Variants in SLC27A2 observed in about 807,000 individuals in gnomAD.
SLC27A2 encodes long-chain fatty acid transport protein 2.
Under a neutral mutation model 60.0 loss-of-function variants are expected in SLC27A2, and 54 were observed. The observed-to-expected ratio is 0.90, with a 90% CI of 0.72 to 1.13. The LOEUF is 1.13. SLC27A2 is among the 50% of genes most tolerant of loss of function. The pLI, the probability that SLC27A2 is intolerant of heterozygous loss-of-function variation, is 0.00. For missense variants in SLC27A2, 739 were observed against 777.6 expected (o/e 0.95, Z 0.59); for synonymous variants, 297 against 297.6 (o/e 1.00, Z 0.02).
At position 50,182,685 on chromosome 15, in the gene SLC27A2, G is replaced by A; in HGVS notation, c.258G>A (p.Arg86=). 1 of 1,613,952 alleles carries A rather than the reference G, an allele frequency of 6.2e-7. No individual in the cohort carries two copies. The highest frequency in any genetic ancestry group is 8.5e-7 in the Non-Finnish European group (1 of 1,179,914). Residue 86 remains arginine, a synonymous_variant, in exon 1 of 10, where the codon CGG becomes CGA. Transcript: ENST00000267842. ...CTCTCACCTACGCGCAGGTGGACCG[G>A]CGCAGCAATCAAGTGGCCCGGGCGC... The part of the protein sequence containing the change: ...DETLTYAQVD[R]RSNQVARALH...
chr15:50,212,131 C>T (rs1382229854), intron 4 of SLC27A2, among the ~76,000 whole-genome samples: 2 of 147,186 alleles, frequency 1.4e-5, no homozygotes, highest in African/African-American at 5.0e-5. Flanking sequence ...AAACTTTGGA[C>T]ACACTTTTAG....
chr15:50,216,510 A>G (rs553996406), intron 4 of SLC27A2, among the ~76,000 whole-genome samples: 14 of 151,320 alleles, frequency 9.3e-5, no homozygotes, highest in African/African-American at 2.9e-4. Flanking sequence ...TTCTACACGC[A>G]TTTTTATAGC....
intron 5 of SLC27A2, among the ~76,000 whole-genome samples, chr15:50,224,425 G>A (rs1431300541): frequency 2.0e-5 from 3 of 152,178 alleles, no homozygotes; most frequent in Non-Finnish European, 4.4e-5. Context: ...GGGCAACAGA[G>A]CGAAACTCCA....
chr15:50,225,874 G>A (rs1302759740), intron 5 of SLC27A2, 114 bp from the exon 6 acceptor site: 5 of 661,146 alleles, frequency 7.6e-6, no homozygotes, highest in Non-Finnish European at 1.3e-5. Context: ...AAGGGTATAT[G>A]CAAATGCAAA....
rs754950532 is a variant in SLC27A2, at chr15:50,182,707, G to A, written c.280G>A (p.Ala94Thr). 25 of 1,613,882 alleles carry A rather than the reference G, an allele frequency of 1.5e-5. No individual in the cohort carries two copies. Among genetic ancestry groups the A allele is most frequent in the Admixed American group, 5.0e-5 (3 of 60,018 alleles). Residue 94 changes from alanine (A) to threonine (T), a missense_variant, in exon 1 of 10, where the codon GCG becomes ACG. Transcript: ENST00000267842. ...CCGGCGCAGCAATCAAGTGGCCCGG[G>A]CGCTGCACGACCACCTCGGCCTGCG... is the stretch of plus-strand genomic sequence containing the variant. ...VDRRSNQVAR[A>T]LHDHLGLRQG... is the part of the protein sequence containing the mutation.
intron 1 of SLC27A2, among the ~76,000 whole-genome samples, chr15:50,186,792 C>T (rs1327344756): frequency 6.6e-6 from 1 of 152,164 alleles, no homozygotes; most frequent in Non-Finnish European, 1.5e-5. Context: ...TATGAATTGC[C>T]CATGATCAAG....
At chr15:50,234,075 C>A in intron 9 of SLC27A2, 77 bp downstream of exon 9, 1 of 1,361,390 alleles carries the variant, frequency 7.3e-7, no homozygotes, top group Non-Finnish European at 1.0e-6. Context: ...CTCGCCTTCT[C>A]CCAGGATGAC....
chr15:50,228,773 A>G (rs986462013), intron 7 of SLC27A2, among the ~76,000 whole-genome samples, 172 bp from the exon 8 acceptor site: 46 of 152,314 alleles, frequency 3.0e-4, no homozygotes, highest in African/African-American at 1.1e-3. Context: ...TTTCCCTTTT[A>G]TGCCTCAAAC....
intron 4 of SLC27A2, among the ~76,000 whole-genome samples, chr15:50,210,122 C>T (rs138485160): frequency 2.0e-5 from 3 of 152,164 alleles, no homozygotes; most frequent in African/African-American, 4.8e-5. Flanking sequence ...AAGTAAAATA[C>T]GGAGGACAGG....
chr15:50,185,219 T>A (rs2044911109), intron 1 of SLC27A2, among the ~76,000 whole-genome samples: 1 of 152,202 alleles, frequency 6.6e-6, no homozygotes, highest in Non-Finnish European at 1.5e-5. Context: ...AGCTAACAGT[T>A]GTCTGCCATA....
intron 4 of SLC27A2, among the ~76,000 whole-genome samples, chr15:50,213,937 CAGA>C (rs933759905): frequency 2.1e-4 from 32 of 151,594 alleles, no homozygotes; most frequent in African/African-American, 6.5e-4. Flanking sequence ...CCAAACCCAG[CAGA>C]AGAAGGGAAA....
rs930120144 is a variant in SLC27A2 at position 50,182,973 on chromosome 15, G to A, written c.478+68G>A. 4 of 1,482,478 alleles carry A rather than the reference G, an allele frequency of 2.7e-6. No homozygotes were observed. The Admixed American group carries it at 6.0e-5, about 22-fold the overall frequency. The allele number at this position is 1,482,478 out of a possible 1,614,324, so 91.8% of individuals were successfully genotyped here. Reference sequence around the variant, plus strand: ...GGCGCCTTGACTGACGAGCCACAGCGTGGCATAAGGGGTTCGCAGAGGGAG... The same window carrying A: ...GGCGCCTTGACTGACGAGCCACAGCATGGCATAAGGGGTTCGCAGAGGGAG... On this transcript the variant is annotated intron_variant, in intron 1 of 9. Coordinates refer to ENST00000267842, the MANE Select transcript of SLC27A2 (RefSeq NM_003645.4).
Position 50,205,278 on chromosome 15 carries a change from A to T in SLC27A2, c.887A>T (p.Gln296Leu), listed in dbSNP as rs1203036728. ...TTGCGGACTAAATTTTCAGCCAGCCAGTTTTGGGATGACTGCAGAAAATAC... is the reference window on the plus strand; with the variant it reads ...TTGCGGACTAAATTTTCAGCCAGCCTGTTTTGGGATGACTGCAGAAAATAC... The part of the protein sequence containing the change: ...LALRTKFSAS[Q>L]FWDDCRKYNV... The change falls in exon 4 of 10, where the codon CAG (glutamine) becomes CTG (leucine). Residue 296 changes from glutamine to leucine, a missense_variant. Gln to Leu is a moderately radical substitution (Grantham distance 113). Coordinates refer to ENST00000267842, the MANE Select transcript of SLC27A2 (RefSeq NM_003645.4). 7.5e-6 allele frequency: 12 copies of T among 1,607,536 alleles called. No individual in the cohort carries two copies. Among genetic ancestry groups the T allele is most frequent in the African/African-American group, 1.3e-5 (1 of 74,932 alleles).
chr15:50,211,662 G>T (rs1266286384), intron 4 of SLC27A2, among the ~76,000 whole-genome samples: 2 of 152,274 alleles, frequency 1.3e-5, no homozygotes, highest in East Asian at 1.9e-4. Flanking sequence ...AATTCAGGAG[G>T]TTAGTTATTA....
intron 1 of SLC27A2, among the ~76,000 whole-genome samples, chr15:50,191,856 T>G (rs1298182032): frequency 1.3e-5 from 2 of 152,028 alleles, no homozygotes; most frequent in Non-Finnish European, 2.9e-5. Context: ...GGTTGGGAGT[T>G]CAAGACCAGC....
Position 50,236,084 on chromosome 15 carries a change from C to G in SLC27A2, c.1851C>G (p.Thr617=), listed in dbSNP as rs201913403. The G allele has an allele frequency of 2.5e-6, 4 of 1,592,438 alleles. No homozygotes were observed. The African/African-American group carries it at 5.4e-5, about 21-fold the overall frequency. The change falls in exon 10 of 10, where the codon ACC becomes ACG. Residue 617 remains threonine, a synonymous_variant. Transcript: ENST00000267842. The part of the protein sequence containing the change: ...EDIYNAISAK[T]LKL ...TCTATAATGCCATAAGTGCTAAAACCCTGAAACTCTGAATATTCCCAGGAG... is the reference window on the plus strand; with the variant it reads ...TCTATAATGCCATAAGTGCTAAAACGCTGAAACTCTGAATATTCCCAGGAG...
intron 4 of SLC27A2, 65 bp downstream of exon 4, chr15:50,205,428 G>T: frequency 6.6e-7 from 1 of 1,525,494 alleles, no homozygotes; most frequent in East Asian, 2.3e-5. Flanking sequence ...GTCACTTTGG[G>T]TTGTGCTAGG....
At chr15:50,194,979 GA>G (rs1448134380) in intron 1 of SLC27A2, among the ~76,000 whole-genome samples, 1 of 152,150 alleles carries the variant, frequency 6.6e-6, no homozygotes. Context: ...ATAAAGCTGG[GA>G]AGACAGAATA....
chr15:50,197,765 A>G, intron 2 of SLC27A2, 56 bp downstream of exon 2: 1 of 1,305,424 alleles, frequency 7.7e-7, no homozygotes, highest in Admixed American at 1.7e-5. Context: ...TTAAATGTTG[A>G]CACAGGTTTT....
Sources: gnomAD v4.1 joint callset for allele counts (sites outside exome capture counted in the v4.1 genomes callset) on GRCh38, gnomAD v4.1.1 for gene constraint, MANE v1.5 for transcripts, NCBI Gene and HGNC (gene_info 2026-07-23, HGNC 2026-07-21) for gene names.